HS3ST4: variants seen among roughly 807,000 people sequenced by gnomAD.
HS3ST4 encodes heparan sulfate glucosamine 3-O-sulfotransferase 4.
In HS3ST4, 17 loss-of-function variants were observed where a neutral mutation model predicts 29.2. That is an observed-to-expected ratio of 0.58 (90% CI 0.40 to 0.87). HS3ST4 has a LOEUF of 0.87. Among genes scored for constraint, HS3ST4 ranks in the 40% least tolerant of loss-of-function variants. The probability of loss-of-function intolerance (pLI) is 0.00; values close to 1 mark genes in which losing one functional copy is unlikely to be tolerated. For synonymous variants in HS3ST4, 314 were observed against 285.7 expected (o/e 1.10, Z -1.00); for missense variants, 627 against 634.5 (o/e 0.99, Z 0.13).
chr16:26,020,048 A>G (rs143630521), intron 1 of HS3ST4, among the ~76,000 whole-genome samples: 2 of 152,008 alleles, frequency 1.3e-5, no homozygotes, highest in Non-Finnish European at 2.9e-5. Flanking sequence ...GCTTCCCCTA[A>G]ACACCGCCCC....
chr16:26,024,132 G>A (rs1317003138), intron 1 of HS3ST4, among the ~76,000 whole-genome samples: 1 of 151,652 alleles, frequency 6.6e-6, no homozygotes, highest in Non-Finnish European at 1.5e-5. Flanking sequence ...GCTGAAGCAG[G>A]AGAATCGCTT....
chr16:25,698,849 G>A (rs1966316307), intron 1 of HS3ST4, among the ~76,000 whole-genome samples: 1 of 152,190 alleles, frequency 6.6e-6, no homozygotes, highest in African/African-American at 2.4e-5. Context: ...GCTCAGACAG[G>A]TCGTATAAAT....
chr16:25,703,768 C>T (rs112602158), intron 1 of HS3ST4, among the ~76,000 whole-genome samples: 279 of 147,606 alleles, frequency 1.9e-3, no homozygotes, highest in African/African-American at 6.4e-3. Flanking sequence ...TTCTCTTTTC[C>T]CTCCTCCTGG....
At chr16:25,790,934 A>G (rs942180255) in intron 1 of HS3ST4, among the ~76,000 whole-genome samples, 1 of 152,174 alleles carries the variant, frequency 6.6e-6, no homozygotes, top group Admixed American at 6.5e-5. Flanking sequence ...CTTTATAGTA[A>G]GAGATTTTTC....
At chr16:26,024,751 C>A (rs958831663) in intron 1 of HS3ST4, among the ~76,000 whole-genome samples, 4 of 152,012 alleles carry the variant, frequency 2.6e-5, no homozygotes, top group African/African-American at 9.7e-5. Flanking sequence ...GTCTCATTTA[C>A]GTAGTGCTTT....
At chr16:25,783,699 A>G (rs988766736) in intron 1 of HS3ST4, among the ~76,000 whole-genome samples, 3 of 152,328 alleles carry the variant, frequency 2.0e-5, no homozygotes, top group Admixed American at 6.5e-5. Context: ...TTGTGGTAAA[A>G]TATACAAAAC....
rs550192461 is a variant in HS3ST4 at position 25,802,411 on chromosome 16, CT to C, written c.734+109265del. Among the ~76,000 whole-genome samples, 258 of 151,970 alleles carry C rather than the reference CT, an allele frequency of 1.7e-3. 1 individual carries two copies. Among genetic ancestry groups the C allele is most frequent in the African/African-American group, 6.1e-3 (251 of 41,486 alleles). On this transcript the variant is annotated intron_variant, in intron 1 of 1. Transcript: ENST00000331351. ...TATATATTGGGGTCTGTTTTCTTTC[CT>C]TTTTATTATATTCTGTTGATCTACC...
intron 1 of HS3ST4, among the ~76,000 whole-genome samples, chr16:25,970,516 C>T (rs914245305): frequency 6.6e-6 from 1 of 151,946 alleles, no homozygotes; most frequent in Admixed American, 6.6e-5. Context: ...TATTTTTTCT[C>T]TCTCTCTTTT....
chr16:25,828,294 T>C (rs1465688898), intron 1 of HS3ST4, among the ~76,000 whole-genome samples: 1,058 of 44,668 alleles, frequency 0.024, 39 homozygotes, highest in South Asian at 0.05. Context: ...CTTTCTTTCT[T>C]TCTTTCCCTC....
At chr16:25,735,342 A>G (rs757869997) in intron 1 of HS3ST4, among the ~76,000 whole-genome samples, 4 of 152,082 alleles carry the variant, frequency 2.6e-5, no homozygotes, top group African/African-American at 7.2e-5. Flanking sequence ...TCTCTTTCCA[A>G]TTCTTTGCTC....
At chr16:25,731,147 T>G (rs895267010) in intron 1 of HS3ST4, among the ~76,000 whole-genome samples, 5 of 152,158 alleles carry the variant, frequency 3.3e-5, no homozygotes, top group Non-Finnish European at 5.9e-5. Flanking sequence ...ATTGGGGGTC[T>G]GTCACATAGG....
chr16:26,102,854 C>A (rs901462021), intron 1 of HS3ST4, among the ~76,000 whole-genome samples: 1 of 152,098 alleles, frequency 6.6e-6, no homozygotes, highest in Non-Finnish European at 1.5e-5. Context: ...GGTTTTTGGA[C>A]AAGGGGAGGA....
chr16:26,043,385 G>A (rs1969652424), intron 1 of HS3ST4, among the ~76,000 whole-genome samples: 1 of 152,168 alleles, frequency 6.6e-6, no homozygotes, highest in African/African-American at 2.4e-5. Flanking sequence ...AGAGTTATTT[G>A]AAGATGGTGT....
At chr16:26,005,696 AG>A (rs1018775844) in intron 1 of HS3ST4, among the ~76,000 whole-genome samples, 3 of 151,404 alleles carry the variant, frequency 2.0e-5, no homozygotes, top group Non-Finnish European at 2.9e-5. Context: ...GATAGCCACG[AG>A]GGGATAATAA....
At chr16:25,746,551 G>A (rs894706568) in intron 1 of HS3ST4, among the ~76,000 whole-genome samples, 4 of 143,000 alleles carry the variant, frequency 2.8e-5, no homozygotes, top group African/African-American at 7.6e-5. Context: ...ATCACAATTG[G>A]TTGGTTTTTT....
At chr16:25,781,825 T>C (rs895613956) in intron 1 of HS3ST4, among the ~76,000 whole-genome samples, 13 of 152,308 alleles carry the variant, frequency 8.5e-5, no homozygotes, top group African/African-American at 2.4e-4. Context: ...TTCTTCTCTT[T>C]CGGGTGGTTG....
intron 1 of HS3ST4, among the ~76,000 whole-genome samples, chr16:25,957,154 C>T (rs964246094): frequency 8.5e-5 from 13 of 152,146 alleles, no homozygotes; most frequent in East Asian, 3.9e-4. Flanking sequence ...CAGTGCTTTG[C>T]GGTCAGGGCT....
At chr16:26,028,137 G>A (rs1046790098) in intron 1 of HS3ST4, among the ~76,000 whole-genome samples, 4 of 151,858 alleles carry the variant, frequency 2.6e-5, no homozygotes, top group African/African-American at 4.8e-5. Flanking sequence ...GCTGGGTGTA[G>A]TAGCAGGCGC....
At chr16:25,813,595 C>T (rs1047284724) in intron 1 of HS3ST4, among the ~76,000 whole-genome samples, 11 of 152,168 alleles carry the variant, frequency 7.2e-5, no homozygotes, top group African/African-American at 2.4e-4. Context: ...GAAACTGTCT[C>T]AAACAAATAA....
Sources: allele counts gnomAD v4.1 joint callset (sites outside exome capture counted in the v4.1 genomes callset), GRCh38; gene constraint gnomAD v4.1.1; transcripts MANE v1.5; gene names NCBI Gene and HGNC (gene_info 2026-07-23, HGNC 2026-07-21).